Variants in TSC22D1 observed in about 807,000 individuals in gnomAD.
TSC22D1 encodes TSC22 domain family protein 1.
TSC22D1 carries 9 observed loss-of-function variants against 74.2 expected under a neutral mutation model. That is an observed-to-expected ratio of 0.12 (90% CI 0.07 to 0.21). The LOEUF (loss-of-function observed/expected upper bound fraction) is 0.21, where lower values mean the gene tolerates loss of function less well. Ranked by LOEUF, TSC22D1 falls within the 10% of genes least tolerant of loss-of-function variation. The probability of loss-of-function intolerance (pLI) is 1.00; values close to 1 mark genes in which losing one functional copy is unlikely to be tolerated. For missense variants in TSC22D1, 1,427 were observed against 1,304.7 expected (o/e 1.09, Z -1.44); for synonymous variants, 586 against 492.5 (o/e 1.19, Z -2.51).
chr13:44,522,588 CAGTGGAGA>C (rs2138044311), intron 1 of TSC22D1, among the ~76,000 whole-genome samples: 1 of 152,238 alleles, frequency 6.6e-6, no homozygotes, highest in East Asian at 1.9e-4. Flanking sequence ...AAAGACAATT[CAGTGGAGA>C]AGGAAGAGTC....
chr13:44,517,736 T>C (rs1345772847), intron 1 of TSC22D1, among the ~76,000 whole-genome samples: 75 of 142,164 alleles, frequency 5.3e-4, no homozygotes, highest in African/African-American at 1.7e-3. Context: ...TATATATATA[T>C]ACATATATAC....
At chr13:44,436,573 C>T in intron 1 of TSC22D1, 4 of 1,614,206 alleles carry the variant, frequency 2.5e-6, no homozygotes, top group Non-Finnish European at 3.4e-6. Context: ...TGAAAAATGT[C>T]TCAGTTGGTA....
intron 1 of TSC22D1, among the ~76,000 whole-genome samples, chr13:44,468,527 G>A (rs902442884): frequency 6.7e-6 from 1 of 149,704 alleles, no homozygotes; most frequent in Non-Finnish European, 1.5e-5. Context: ...CATAGTAGAT[G>A]GATCCAGGTT....
Position 44,536,954 on chromosome 13 carries a change from A to AAAAAACAAAAAC in TSC22D1, c.2912+36208_2912+36209insGTTTTTGTTTTT, listed in dbSNP as rs1555270867. 1,935 of 601,850 alleles carry AAAAAACAAAAAC rather than the reference A, an allele frequency of 3.2e-3. 6 individuals are homozygous for AAAAAACAAAAAC. Among genetic ancestry groups the AAAAAACAAAAAC allele is most frequent in the South Asian group, 3.4e-3 (43 of 12,516 alleles). The allele number at this position is 601,850 out of a possible 1,614,324, so 37.3% of individuals were successfully genotyped here. On this transcript the variant is annotated intron_variant, in intron 1 of 2. Transcript: ENST00000458659. ...AAAAAAAAAAAAAAAAAAAAAAAAA[A>AAAAAACAAAAAC]AAAAACAAAAAAAACTAACACACAG...
chr13:44,496,004 C>T (rs73188778), intron 1 of TSC22D1, among the ~76,000 whole-genome samples: 2 of 152,074 alleles, frequency 1.3e-5, no homozygotes, highest in African/African-American at 4.8e-5. Context: ...CAAAATTAAA[C>T]CTTTTGTACA....
chr13:44,539,745 G>T (rs916248742), intron 1 of TSC22D1: 1 of 1,255,412 alleles, frequency 8.0e-7, no homozygotes, highest in African/African-American at 1.6e-5. Flanking sequence ...ATTAACCCAA[G>T]TAAATAATGG....
At chr13:44,539,582 G>C (rs548107086) in intron 1 of TSC22D1, 2 of 985,290 alleles carry the variant, frequency 2.0e-6, no homozygotes, top group African/African-American at 1.7e-5. Flanking sequence ...ATTATCTGGA[G>C]AGAAAATTAA....
At chr13:44,477,931 G>A (rs1431236016) in intron 1 of TSC22D1, among the ~76,000 whole-genome samples, 13 of 152,112 alleles carry the variant, frequency 8.5e-5, no homozygotes, top group Admixed American at 3.9e-4. Context: ...GTGAGCCACT[G>A]CGCCCAGCCT....
At chr13:44,524,689 G>A (rs1196308055) in intron 1 of TSC22D1, among the ~76,000 whole-genome samples, 6 of 151,964 alleles carry the variant, frequency 3.9e-5, no homozygotes, top group Admixed American at 6.6e-5. Context: ...AACAGCACCC[G>A]CCATGCCCAG....
Position 44,456,899 on chromosome 13 carries a change from C to A in TSC22D1, c.2913-20804G>T, listed in dbSNP as rs1286249003. 3.9e-5 allele frequency among the ~76,000 whole-genome samples: 6 copies of A among 152,246 alleles called. No homozygotes were observed. In the East Asian group the frequency reaches 7.7e-4, roughly 20 times the overall value. On this transcript the variant is annotated intron_variant, in intron 1 of 2. Transcript: ENST00000458659. ...CTATTAATATTTAGAAGGGCTAACA[C>A]CCTAACAAAAGAAGTTTCAGAAATG...
Position 44,576,008 on chromosome 13 carries a change from C to T in TSC22D1, c.67G>A (p.Ala23Thr). The T allele has an allele frequency of 1.9e-6, 3 of 1,590,328 alleles. No homozygotes were observed. The highest frequency in any genetic ancestry group is 2.6e-6 in the Non-Finnish European group (3 of 1,168,528). Residue 23 changes from alanine (A) to threonine (T), a missense_variant, in exon 1 of 3, where the codon GCG (alanine) becomes ACG (threonine). Coordinates refer to ENST00000458659, the MANE Select transcript of TSC22D1 (RefSeq NM_183422.4). ...CTTCGAGGGAACATTGCCGGGTGCG[C>T]CATCTTCCTAGCGCTAATGTCTGCA... is the stretch of plus-strand genomic sequence containing the variant. Reference protein sequence around the residue: ...AAADISARKMAHPAMFPRRGS... With the variant: ...AAADISARKMTHPAMFPRRGS...
chr13:44,516,128 T>C (rs1879966539), intron 1 of TSC22D1, among the ~76,000 whole-genome samples: 1 of 152,170 alleles, frequency 6.6e-6, no homozygotes, highest in African/African-American at 2.4e-5. Context: ...TTCAAGTGTT[T>C]TAGCTATTAG....
intron 1 of TSC22D1, among the ~76,000 whole-genome samples, chr13:44,480,002 A>G (rs1272959041): frequency 6.6e-6 from 1 of 152,240 alleles, no homozygotes; most frequent in Non-Finnish European, 1.5e-5. Context: ...AACAAACATG[A>G]AACTATTAAG....
At chr13:44,486,339 G>A (rs990258874) in intron 1 of TSC22D1, among the ~76,000 whole-genome samples, 17 of 152,040 alleles carry the variant, frequency 1.1e-4, no homozygotes, top group African/African-American at 3.9e-4. Context: ...CCAAAGAAAG[G>A]TGGAATAACC....
In TSC22D1 at chr13:44,573,539, A is replaced by G. The variant is rs139578132; in HGVS notation, c.2536T>C (p.Ser846Pro). Residue 846 changes from serine (S) to proline (P), a missense_variant, in exon 1 of 3, where the codon TCT becomes CCT. By Grantham distance (74) the Ser-to-Pro change is moderately conservative. Coordinates refer to ENST00000458659, the MANE Select transcript of TSC22D1 (RefSeq NM_183422.4). The part of the protein sequence containing the change: ...VSSTGPSGMP[S>P]APTNLVPPQN... Reference sequence around the variant, plus strand: ...GGTGGAACCAAGTTTGTTGGGGCAGAAGGCATTCCAGAAGGACCAGTTGAA... The same window carrying G: ...GGTGGAACCAAGTTTGTTGGGGCAGGAGGCATTCCAGAAGGACCAGTTGAA... 6.2e-7 allele frequency: 1 copy of G among 1,614,150 alleles called. No homozygotes were observed. The highest frequency in any genetic ancestry group is 1.3e-5 in the African/African-American group (1 of 74,950).
intron 1 of TSC22D1, among the ~76,000 whole-genome samples, chr13:44,564,496 G>C (rs1160980086): frequency 6.6e-6 from 1 of 152,304 alleles, no homozygotes; most frequent in African/African-American, 2.4e-5. Flanking sequence ...AGATGGCATA[G>C]GGGATATTCA....
rs749487621 is a variant in TSC22D1, at chr13:44,574,658, T to C, written c.1417A>G (p.Ser473Gly). ...GTATAGTGACTCAGTGTGCTGACAC[T>C]ACTGCTCACTGAACTCCCACTAGTG... ...ESTSGSSVSS[S>G]VSTLSHYTES... Residue 473 changes from serine (S) to glycine (G), a missense_variant, in exon 1 of 3, where the codon AGT becomes GGT. By Grantham distance (56) the Ser-to-Gly change is moderately conservative. Around this residue, in one of 3 missense-constraint regions of TSC22D1, gnomAD observed 1,343 missense variants for 1,191.5 expected, o/e 1.13. Transcript: ENST00000458659. 1.2e-6 allele frequency: 2 copies of C among 1,614,150 alleles called. No homozygotes were observed. Among genetic ancestry groups the C allele is most frequent in the Non-Finnish European group, 1.7e-6 (2 of 1,180,030 alleles).
At chr13:44,541,165 T>G (rs993772429) in intron 1 of TSC22D1, among the ~76,000 whole-genome samples, 1 of 152,188 alleles carries the variant, frequency 6.6e-6, no homozygotes, top group Non-Finnish European at 1.5e-5. Context: ...GTCTCAGCAC[T>G]AAGACGGTAG....
chr13:44,555,763 T>A (rs1397065523), intron 1 of TSC22D1, among the ~76,000 whole-genome samples: 1 of 151,264 alleles, frequency 6.6e-6, no homozygotes, highest in Non-Finnish European at 1.5e-5. Context: ...AAAAAAAAAG[T>A]ATGAAATGCC....
Sources: gnomAD v4.1 joint callset for allele counts (sites outside exome capture counted in the v4.1 genomes callset) on GRCh38, gnomAD v4.1.1 for gene constraint, gnomAD v4.1.1 regional missense constraint, MANE v1.5 for transcripts, NCBI Gene and HGNC (gene_info 2026-07-23, HGNC 2026-07-21) for gene names.